MFSD12: variants seen among roughly 807,000 people sequenced by gnomAD.
MFSD12 encodes the protein major facilitator superfamily domain-containing protein 12.
In MFSD12, 67 loss-of-function variants were observed where a neutral mutation model predicts 51.2. That is an observed-to-expected ratio of 1.31 (90% CI 1.08 to 1.60). The LOEUF (loss-of-function observed/expected upper bound fraction) is 1.60, where lower values mean the gene tolerates loss of function less well. Among genes scored for constraint, MFSD12 ranks in the 40% most tolerant of loss-of-function variants. MFSD12 has a pLI of 0.00. For synonymous variants in MFSD12, 441 were observed against 316.7 expected, an observed-to-expected ratio of 1.39 and a Z score of -4.17; for missense variants, 921 against 673.0, an observed-to-expected ratio of 1.37 and a Z score of -4.08.
downstream of MFSD12, chr19:3,543,364 C>T (rs766872589): frequency 3.4e-5 from 53 of 1,549,232 alleles, no homozygotes; most frequent in East Asian, 2.0e-4. Context: ...CCAACTCGGA[C>T]GCCTGGGAAG....
chr19:3,556,686 T>C (rs1262412899), intron 1 of MFSD12, among the ~76,000 whole-genome samples: 1 of 137,236 alleles, frequency 7.3e-6, no homozygotes, highest in South Asian at 2.3e-4. Flanking sequence ...GAGGGGCCAC[T>C]GGGTAGTCAG....
downstream of MFSD12, chr19:3,542,674 G>A (rs1453538265): frequency 8.5e-7 from 1 of 1,182,756 alleles, no homozygotes; most frequent in South Asian, 1.5e-5. Context: ...GTAGAGATGG[G>A]GTTTTACCAT....
downstream of MFSD12, chr19:3,543,068 T>C (rs2030562966): frequency 3.1e-6 from 5 of 1,593,156 alleles, no homozygotes; most frequent in Admixed American, 5.2e-5. Context: ...AAGCACCCAC[T>C]CTGGGGTGAG....
chr19:3,547,276 C>T lies in MFSD12; in HGVS notation c.1019G>A (p.Arg340Lys), dbSNP rs958229845. The change falls in exon 6 of 10, where the codon AGG becomes AAG. Residue 340 changes from arginine (R) to lysine (K), a missense_variant. Arg to Lys is a conservative substitution (Grantham distance 26). Coordinates refer to ENST00000355415, the MANE Select transcript of MFSD12 (RefSeq NM_174983.5). ...CCCCGGTCCCCGCCCACTCACGTTC[C>T]TCCCAATGCACTTGTTGATGGGCTT... is the stretch of plus-strand genomic sequence containing the variant. ...LMKPINKCIG[R>K]NMTYFSGLLV... 6.2e-6 allele frequency: 10 copies of T among 1,612,590 alleles called. No homozygotes were observed. In the African/African-American group the frequency reaches 9.3e-5, roughly 15 times the overall value.
Position 3,548,272 on chromosome 19 carries a change from C to T in MFSD12, c.510-5G>A, listed in dbSNP as rs755744495. 71 of 1,546,316 alleles carry T rather than the reference C, an allele frequency of 4.6e-5. No individual in the cohort carries two copies. The highest frequency in any genetic ancestry group is 9.6e-5 in the African/African-American group (7 of 72,962). On this transcript the variant is annotated splice_region_variant and splice_polypyrimidine_tract_variant and intron_variant, in intron 2 of 9. Transcript: ENST00000355415. ...GCCACCACGGTGAACGCATACCTGGCGGGCAGGCGGGCAGGGACTCAACAA... is the reference window on the plus strand; with the variant it reads ...GCCACCACGGTGAACGCATACCTGGTGGGCAGGCGGGCAGGGACTCAACAA...
Position 3,547,524 on chromosome 19 carries a change from G to C in MFSD12, c.861C>G (p.Thr287=). The C allele has an allele frequency of 1.2e-6, 2 of 1,612,308 alleles. No homozygotes were observed. The highest frequency in any genetic ancestry group is 1.1e-5 in the South Asian group (1 of 90,918). Residue 287 remains threonine (T), a synonymous_variant, in exon 5 of 10, where the codon ACC becomes ACG. Coordinates refer to ENST00000355415, the MANE Select transcript of MFSD12 (RefSeq NM_174983.5). ...TCTGGGACAGGTTCACGATGAGCCT[G>C]GTGGTCATGTACAGTATGCCCACCT... ...FYQVGILYMT[T]RLIVNLSQTY... is the part of the protein sequence containing the mutation.
At chr19:3,555,159 AG>A (rs1485174415) in intron 1 of MFSD12, among the ~76,000 whole-genome samples, 3 of 152,124 alleles carry the variant, frequency 2.0e-5, no homozygotes, top group African/African-American at 7.2e-5. Flanking sequence ...CTGTGTCTGG[AG>A]TGCAGTGGCG....
In MFSD12 at chr19:3,550,986, G is replaced by A. The variant is rs1462431798; in HGVS notation, c.507C>T (p.Leu169=). The change falls in exon 2 of 10, where the codon CTC becomes CTT. Residue 169 remains leucine, a splice_region_variant and synonymous_variant. Coordinates refer to ENST00000355415, the MANE Select transcript of MFSD12 (RefSeq NM_174983.5). ...GGGGAGGGTGCCCAGGCTCCCACCTGAGTGCCGTGAGCTCCACCTTCTCAT... is the reference window on the plus strand; with the variant it reads ...GGGGAGGGTGCCCAGGCTCCCACCTAAGTGCCGTGAGCTCCACCTTCTCAT... ...NDHEKVELTA[L]RYAFTVVANI... The A allele has an allele frequency of 6.2e-7, 1 of 1,610,646 alleles. No individual in the cohort carries two copies. Among genetic ancestry groups the A allele is most frequent in the Non-Finnish European group, 8.5e-7 (1 of 1,179,540 alleles).
Position 3,546,391 on chromosome 19 carries a change from G to T in MFSD12, c.1058C>A (p.Ala353Asp). The T allele has an allele frequency of 6.2e-7, 1 of 1,608,344 alleles. No homozygotes were observed. Among genetic ancestry groups the T allele is most frequent in the Non-Finnish European group, 8.5e-7 (1 of 1,178,032 alleles). The stretch of plus-strand genomic sequence containing the variant: ...CGCCAGCGCCACCCAGGCGGCAAAG[G>T]CCAGGATCACCAGGAGGCCTGAGAA... Reference protein sequence around the residue: ...TYFSGLLVILAFAAWVALAEG... With the variant: ...TYFSGLLVILDFAAWVALAEG... Residue 353 changes from alanine (A) to aspartate (D), a missense_variant, in exon 7 of 10, where the codon GCC (alanine) becomes GAC (aspartate). Transcript: ENST00000355415.
chr19:3,543,287 G>T, downstream of MFSD12: 2 of 1,548,292 alleles, frequency 1.3e-6, no homozygotes, highest in Non-Finnish European at 8.7e-7. Context: ...CATCAGGCAG[G>T]CCACACGCTG....
downstream of MFSD12, chr19:3,542,972 G>C: frequency 6.4e-7 from 1 of 1,555,220 alleles, no homozygotes; most frequent in Non-Finnish European, 8.8e-7. Flanking sequence ...CTCCAGGCAA[G>C]AAAAGCTGAG....
downstream of MFSD12, chr19:3,543,261 C>G (rs2030585346): frequency 1.3e-6 from 2 of 1,546,530 alleles, no homozygotes; most frequent in South Asian, 2.4e-5. Flanking sequence ...CTGGAGGGTT[C>G]CCGCTGGCCA....
At position 3,557,499 on chromosome 19, in the gene MFSD12, C is replaced by CCACCACGCGCCGGG. The variant is rs1261101276; in HGVS notation, c.-110_-97dup. 1.5e-5 allele frequency: 11 copies of CCACCACGCGCCGGG among 756,214 alleles called. No homozygotes were observed. Among genetic ancestry groups the CCACCACGCGCCGGG allele is most frequent in the South Asian group, 6.4e-5 (1 of 15,544 alleles). The allele number at this position is 756,214 out of a possible 1,614,324, so 46.8% of individuals were successfully genotyped here. The stretch of plus-strand genomic sequence containing the variant: ...CCGTGGGGGCAGGCGCCGGGGACCC[C>CCACCACGCGCCGGG]CACCACGCGCCGGGCACCCCGCGTC... On this transcript the variant is annotated 5_prime_UTR_variant, in exon 1 of 10. Coordinates refer to ENST00000355415, the MANE Select transcript of MFSD12 (RefSeq NM_174983.5).
Position 3,550,927 on chromosome 19 carries a change from C to T in MFSD12, c.509+57G>A, listed in dbSNP as rs1174084230. The T allele has an allele frequency of 4.1e-6, 6 of 1,474,182 alleles. No individual in the cohort carries two copies. In the East Asian group the frequency reaches 1.4e-4, roughly 35 times the overall value. The allele number at this position is 1,474,182 out of a possible 1,614,324, so 91.3% of individuals were successfully genotyped here. On this transcript the variant is annotated intron_variant, in intron 2 of 9. Transcript: ENST00000355415. ...GCCGCTCATTATGCAGTGCCACTGA[C>T]TGATACACCGAGCCGGGGCCCACCC...
chr19:3,556,999 C>T (rs1227346635), intron 1 of MFSD12, 107 bp downstream of exon 1: 10 of 1,137,560 alleles, frequency 8.8e-6, no homozygotes, highest in South Asian at 7.1e-5. Flanking sequence ...GGGGAGACTC[C>T]GATCCTGAGG....
Position 3,546,085 on chromosome 19 carries a change from C to T in MFSD12, c.1278G>A (p.Leu426=), listed in dbSNP as rs372586191. ...NGLAVMAIQS[L]HPCPSELCCR... ...ACAGCGGCACTCACGGGCAAGGGTG[C>T]AGGCTCTGGATGGCCATGACTGCCA... The change falls in exon 8 of 10, where the codon CTG becomes CTA. Residue 426 remains leucine, a synonymous_variant. Coordinates refer to ENST00000355415, the MANE Select transcript of MFSD12 (RefSeq NM_174983.5). The T allele has an allele frequency of 8.1e-6, 13 of 1,613,242 alleles. No individual in the cohort carries two copies. The African/African-American group carries it at 1.5e-4, about 18-fold the overall frequency.
chr19:3,552,865 C>T (rs979575067), intron 1 of MFSD12, among the ~76,000 whole-genome samples: 4 of 152,128 alleles, frequency 2.6e-5, no homozygotes. Flanking sequence ...CCTCATTTTC[C>T]AGATGGGAAA....
rs745960149 is a variant in MFSD12, at chr19:3,547,958, G to T, written c.727C>A (p.Arg243Ser). 2 of 1,595,048 alleles carry T rather than the reference G, an allele frequency of 1.3e-6. No individual in the cohort carries two copies. ...CCTGGCTCCTCCGCATGCGGCCGGC[G>T]CCTCTCCCGGGTGCCCAGGTGGAAT... ...LLFHLGTRER[R>S]RPHAEEPGEH... Residue 243 changes from arginine (R) to serine (S), a missense_variant, in exon 4 of 10, where the codon CGC becomes AGC. Arg to Ser is a moderately radical substitution (Grantham distance 110). Coordinates refer to ENST00000355415, the MANE Select transcript of MFSD12 (RefSeq NM_174983.5).
In MFSD12 at chr19:3,544,548, C is replaced by T. The variant is rs908178270; in HGVS notation, c.*162G>A. ...TCCTTGCAAGTCCCTGGCGGGCATCCCTGCTGCCCTCACCCGACCCCACCC... is the reference window on the plus strand; with the variant it reads ...TCCTTGCAAGTCCCTGGCGGGCATCTCTGCTGCCCTCACCCGACCCCACCC... On this transcript the variant is annotated 3_prime_UTR_variant, in exon 10 of 10. Transcript: ENST00000355415. 1.4e-6 allele frequency: 2 copies of T among 1,417,548 alleles called. No individual in the cohort carries two copies. The highest frequency in any genetic ancestry group is 1.4e-5 in the African/African-American group (1 of 69,552). 87.8% of individuals were successfully genotyped at this position (1,417,548 alleles called of 1,614,324 possible).
Sources: allele counts gnomAD v4.1 joint callset (sites outside exome capture counted in the v4.1 genomes callset), GRCh38; gene constraint gnomAD v4.1.1; transcripts MANE v1.5; gene names NCBI Gene and HGNC (gene_info 2026-07-23, HGNC 2026-07-21).